The following KCNH8 variants were observed in gnomAD, a reference collection of about 807,000 sequenced individuals.
The protein encoded by KCNH8 is potassium voltage-gated channel subfamily H member 8.
KCNH8 carries 70 observed loss-of-function variants against 103.6 expected under a neutral mutation model. That is an observed-to-expected ratio of 0.68 (90% CI 0.56 to 0.82). The LOEUF (loss-of-function observed/expected upper bound fraction) is 0.82. Ranked by LOEUF, KCNH8 falls within the 40% of genes least tolerant of loss-of-function variation. KCNH8 has a pLI of 0.00. For synonymous variants in KCNH8, 498 were observed against 489.4 expected (o/e 1.02, Z -0.23); for missense variants, 1,217 against 1,329.9 (o/e 0.92, Z 1.32).
intron 3 of KCNH8, among the ~76,000 whole-genome samples, chr3:19,339,706 G>A (rs749469763): frequency 2.0e-5 from 3 of 152,000 alleles, no homozygotes; most frequent in Non-Finnish European, 4.4e-5. Flanking sequence ...TGTAGCAAAG[G>A]TGAATGCTTT....
intron 1 of KCNH8, among the ~76,000 whole-genome samples, chr3:19,174,654 ATTAG>A (rs561122686): frequency 5.3e-4 from 80 of 152,318 alleles, no homozygotes; most frequent in African/African-American, 1.5e-3. Context: ...TCTTTATTCA[ATTAG>A]TTAGGCATTT....
chr3:19,281,470 C>T, intron 3 of KCNH8, 141 bp downstream of exon 3: 2 of 684,268 alleles, frequency 2.9e-6, no homozygotes, highest in Non-Finnish European at 2.4e-6. Flanking sequence ...GCATTTGGTG[C>T]ATATTCCAAA....
chr3:19,308,850 CAG>C (rs1392516034), intron 3 of KCNH8, among the ~76,000 whole-genome samples: 8 of 149,752 alleles, frequency 5.3e-5, no homozygotes, highest in African/African-American at 1.7e-4. Flanking sequence ...CCCTCTTTCT[CAG>C]AGCAAATTTT....
chr3:19,273,415 C>T (rs575612235), intron 2 of KCNH8, among the ~76,000 whole-genome samples: 65 of 152,248 alleles, frequency 4.3e-4, no homozygotes, highest in African/African-American at 1.5e-3. Flanking sequence ...CTGCTCACTA[C>T]CAATTGTCCA....
intron 12 of KCNH8, among the ~76,000 whole-genome samples, chr3:19,511,661 G>A (rs1040244094): frequency 1.3e-5 from 2 of 151,904 alleles, no homozygotes; most frequent in African/African-American, 2.4e-5. Context: ...ACAAACAAGA[G>A]TAACATCATG....
At chr3:19,197,673 T>C (rs1230318946) in intron 1 of KCNH8, among the ~76,000 whole-genome samples, 2 of 151,010 alleles carry the variant, frequency 1.3e-5, no homozygotes, top group African/African-American at 4.9e-5. Flanking sequence ...GTTTGGTTTC[T>C]TTATCTCTAG....
In KCNH8 at chr3:19,256,079, G is replaced by A. The variant is rs182056377; in HGVS notation, c.310+2192G>A. Among the ~76,000 whole-genome samples, 119 of 152,256 alleles carry A rather than the reference G, an allele frequency of 7.8e-4. 1 individual carries two copies. Among genetic ancestry groups the A allele is most frequent in the Admixed American group, 1.9e-3 (29 of 15,276 alleles). ...TTGCCACTGTTGACATTTTGGGTCA[G>A]TAATTCTTGTGGTAGAAGGCTGTCC... On this transcript the variant is annotated intron_variant, in intron 2 of 15. Coordinates refer to ENST00000328405, the MANE Select transcript of KCNH8 (RefSeq NM_144633.3).
intron 1 of KCNH8, among the ~76,000 whole-genome samples, chr3:19,218,360 T>A (rs2063837826): frequency 6.6e-6 from 1 of 152,214 alleles, no homozygotes; most frequent in South Asian, 2.1e-4. Context: ...CAACTGACCA[T>A]ATTTTTAGTT....
intron 1 of KCNH8, among the ~76,000 whole-genome samples, chr3:19,149,219 G>C (rs1266931899): frequency 6.6e-6 from 1 of 152,134 alleles, no homozygotes; most frequent in Non-Finnish European, 1.5e-5. Flanking sequence ...TTCATTCCGT[G>C]ATATATTTCG....
chr3:19,206,405 G>A (rs1301467682), intron 1 of KCNH8, among the ~76,000 whole-genome samples: 2 of 151,706 alleles, frequency 1.3e-5, no homozygotes, highest in Non-Finnish European at 2.9e-5. Flanking sequence ...AAGGGGAAAG[G>A]CATTCTGGGC....
chr3:19,353,657 G>A (rs1451071339), intron 5 of KCNH8, among the ~76,000 whole-genome samples: 5 of 152,310 alleles, frequency 3.3e-5, no homozygotes, highest in African/African-American at 1.2e-4. Context: ...AATAGATGCA[G>A]AAAAGGCCTT....
intron 3 of KCNH8, among the ~76,000 whole-genome samples, chr3:19,342,046 GGTTA>G (rs1428467358): frequency 4.8e-4 from 73 of 152,004 alleles, no homozygotes; most frequent in African/African-American, 1.7e-3. Context: ...AAATTAATAA[GGTTA>G]GTTATAATCT....
intron 1 of KCNH8, among the ~76,000 whole-genome samples, chr3:19,247,380 G>C (rs2064220147): frequency 6.6e-6 from 1 of 152,154 alleles, no homozygotes; most frequent in South Asian, 2.1e-4. Flanking sequence ...ATATTTTAAA[G>C]TCATAAATAT....
chr3:19,287,513 G>GTAGA (rs2064848304), intron 3 of KCNH8, among the ~76,000 whole-genome samples: 1 of 152,182 alleles, frequency 6.6e-6, no homozygotes, highest in Non-Finnish European at 1.5e-5. Context: ...GCTCAAGTAA[G>GTAGA]TAGATTTTAA....
intron 11 of KCNH8, among the ~76,000 whole-genome samples, chr3:19,470,878 G>A (rs1453032912): frequency 2.0e-5 from 3 of 152,150 alleles, no homozygotes; most frequent in Non-Finnish European, 4.4e-5. Flanking sequence ...ATATTAAATA[G>A]GGAGCACATA....
chr3:19,512,905 A>T, intron 12 of KCNH8, 65 bp from the exon 13 acceptor site: 2 of 1,402,178 alleles, frequency 1.4e-6, no homozygotes, highest in Non-Finnish European at 2.0e-6. Flanking sequence ...GACCTCCAGC[A>T]TTAATGATAT....
chr3:19,438,115 T>G, intron 7 of KCNH8, 49 bp from the exon 8 acceptor site: 4 of 1,448,668 alleles, frequency 2.8e-6, no homozygotes, highest in African/African-American at 1.4e-5. Flanking sequence ...GTGTTAATAC[T>G]GAGACTTTAC....
intron 3 of KCNH8, among the ~76,000 whole-genome samples, chr3:19,303,839 A>G (rs1343762621): frequency 1.3e-5 from 2 of 152,158 alleles, no homozygotes; most frequent in Admixed American, 1.3e-4. Flanking sequence ...CAAATGGTGC[A>G]TGATCATGGG....
rs2069231482 is a variant in KCNH8, at chr3:19,534,409, G to A, written c.*310G>A. ...AGTCCTAGACAAAGAACTTGTGGAT[G>A]ACTTTTGTCCCATGTGGCTTTTGTG... is the stretch of plus-strand genomic sequence containing the variant. On this transcript the variant is annotated 3_prime_UTR_variant, in exon 16 of 16. Coordinates refer to ENST00000328405, the MANE Select transcript of KCNH8 (RefSeq NM_144633.3). The A allele has an allele frequency of 5.7e-6, 2 of 350,920 alleles. No homozygotes were observed. Among genetic ancestry groups the A allele is most frequent in the Non-Finnish European group, 1.0e-5 (2 of 194,556 alleles). The allele number at this position is 350,920 out of a possible 1,614,324, so 21.7% of individuals were successfully genotyped here. A position where few individuals can be genotyped will look rare whatever the true frequency, so the allele number is the denominator to read the frequency against.
Sources: allele counts gnomAD v4.1 joint callset (sites outside exome capture counted in the v4.1 genomes callset), GRCh38; gene constraint gnomAD v4.1.1; transcripts MANE v1.5; gene names NCBI Gene and HGNC (gene_info 2026-07-23, HGNC 2026-07-21).